The following ACSF3 variants were observed in gnomAD, a reference collection of about 807,000 sequenced individuals.
ACSF3 encodes the protein acyl-CoA synthetase family member 3.
ACSF3 carries 78 observed loss-of-function variants against 53.2 expected under a neutral mutation model. The ratio of observed to expected loss-of-function variants is 1.47; its 90% CI spans 1.22 to 1.77. The LOEUF (loss-of-function observed/expected upper bound fraction) is 1.77, where lower values mean the gene tolerates loss of function less well. Ranked by LOEUF, ACSF3 falls within the 40% of genes most tolerant of loss-of-function variation. The probability of loss-of-function intolerance (pLI) is 0.00; values close to 1 mark genes in which losing one functional copy is unlikely to be tolerated. For synonymous variants in ACSF3, 414 were observed against 333.1 expected, an observed-to-expected ratio of 1.24 and a Z score of -2.65; for missense variants, 937 against 771.1, an observed-to-expected ratio of 1.22 and a Z score of -2.55.
Position 89,102,676 on chromosome 16 carries a change from G to A in ACSF3, c.739G>A (p.Val247Ile), listed in dbSNP as rs370666715. ...CCTCCACGTGCTCCCGCTGCACCAC[G>A]TCCATGGTGTGGTCAACGCGCTGCT... ...VILHVLPLHH[V>I]HGVVNALLCP... Residue 247 changes from valine to isoleucine, a missense_variant, in exon 4 of 11, where the codon GTC becomes ATC. Coordinates refer to ENST00000614302, the MANE Select transcript of ACSF3 (RefSeq NM_001243279.3). 63 of 1,613,730 alleles carry A rather than the reference G, an allele frequency of 3.9e-5. No individual in the cohort carries two copies. The highest frequency in any genetic ancestry group is 1.6e-4 in the Middle Eastern group (1 of 6,084).
At chr16:89,127,220 T>A (rs555873682) in intron 7 of ACSF3, among the ~76,000 whole-genome samples, 1 of 152,312 alleles carries the variant, frequency 6.6e-6, no homozygotes, top group South Asian at 2.1e-4. Context: ...AGGGTGATGC[T>A]GGCCTCATTA....
rs570628134 is a variant in ACSF3, at chr16:89,109,744, C to T, written c.823-2348C>T. Among the ~76,000 whole-genome samples, 11 of 152,172 alleles carry T rather than the reference C, an allele frequency of 7.2e-5. No individual in the cohort carries two copies. In the South Asian group the frequency reaches 2.3e-3, roughly 32 times the overall value. Reference sequence around the variant, plus strand: ...TGAGCATTTTTTGTGTTTATTTTTACTTTTTTCCTTTTAAATTATTTTTGC... The same window carrying T: ...TGAGCATTTTTTGTGTTTATTTTTATTTTTTTCCTTTTAAATTATTTTTGC... On this transcript the variant is annotated intron_variant, in intron 4 of 10. Transcript: ENST00000614302.
intron 7 of ACSF3, among the ~76,000 whole-genome samples, chr16:89,121,510 TGA>T (rs968901422): frequency 2.0e-5 from 3 of 152,220 alleles, no homozygotes; most frequent in African/African-American, 7.2e-5. Flanking sequence ...GATTTTAACA[TGA>T]GAGTCTGCTC....
chr16:89,108,344 T>G (rs1223188597), intron 4 of ACSF3, among the ~76,000 whole-genome samples: 1 of 152,246 alleles, frequency 6.6e-6, no homozygotes, highest in Non-Finnish European at 1.5e-5. Context: ...TTGTTTCCCT[T>G]CAGCCTGGAG....
At chr16:89,120,667 G>A (rs2151478342) in intron 6 of ACSF3, 134 bp from the exon 7 acceptor site, 4 of 839,912 alleles carry the variant, frequency 4.8e-6, no homozygotes, top group South Asian at 1.3e-5. Flanking sequence ...GGGTCACAGG[G>A]CACGTCGCTC....
intron 8 of ACSF3, among the ~76,000 whole-genome samples, chr16:89,143,337 G>T (rs1181713024): frequency 6.6e-6 from 1 of 152,176 alleles, no homozygotes; most frequent in Non-Finnish European, 1.5e-5. Flanking sequence ...TTGGGGGCAG[G>T]CAGTGATGGC....
chr16:89,143,828 C>T (rs1021015556), intron 8 of ACSF3, among the ~76,000 whole-genome samples: 2 of 152,178 alleles, frequency 1.3e-5, no homozygotes, highest in East Asian at 1.9e-4. Flanking sequence ...CACACCCATC[C>T]GTCTTGTTTA....
At chr16:89,120,337 C>T (rs1005718239) in intron 6 of ACSF3, among the ~76,000 whole-genome samples, 2 of 152,242 alleles carry the variant, frequency 1.3e-5, no homozygotes, top group African/African-American at 2.4e-5. Flanking sequence ...TGCCTTAGCC[C>T]GTCGTGTGCC....
intron 7 of ACSF3, among the ~76,000 whole-genome samples, chr16:89,123,358 C>A (rs760634718): frequency 3.2e-4 from 48 of 152,190 alleles, no homozygotes; most frequent in Non-Finnish European, 5.4e-4. Flanking sequence ...GAAGGGACTC[C>A]CCACCCCACG....
rs756416005 is a variant in ACSF3, at chr16:89,101,359, C to G, written c.666+12C>G. The G allele has an allele frequency of 1.3e-6, 2 of 1,569,258 alleles. No homozygotes were observed. The highest frequency in any genetic ancestry group is 1.7e-6 in the Non-Finnish European group (2 of 1,157,944). ...ACATCAGGGCTGTGGTGAGTGCCGCCTGGCGCCGTGATGGTTTCGGTGACC... is the reference window on the plus strand; with the variant it reads ...ACATCAGGGCTGTGGTGAGTGCCGCGTGGCGCCGTGATGGTTTCGGTGACC... On this transcript the variant is annotated intron_variant, in intron 3 of 10. Coordinates refer to ENST00000614302, the MANE Select transcript of ACSF3 (RefSeq NM_001243279.3).
chr16:89,144,688 A>G (rs1437241923), intron 8 of ACSF3, among the ~76,000 whole-genome samples: 2 of 152,176 alleles, frequency 1.3e-5, no homozygotes, highest in Non-Finnish European at 2.9e-5. Context: ...CGGCCCCTCT[A>G]TGCTGCAGTC....
At chr16:89,095,646 T>G in intron 1 of ACSF3, among the ~76,000 whole-genome samples, 1 of 152,092 alleles carries the variant, frequency 6.6e-6, no homozygotes, top group African/African-American at 2.4e-5. Flanking sequence ...TCAGGTGTCG[T>G]TTTATTCATG....
At position 89,156,062 on chromosome 16, in the gene ACSF3, C is replaced by T. The variant is rs1044913696; in HGVS notation, c.*1855C>T. Among the ~76,000 whole-genome samples, 13 of 152,168 alleles carry T rather than the reference C, an allele frequency of 8.5e-5. No individual in the cohort carries two copies. Among genetic ancestry groups the T allele is most frequent in the Admixed American group, 5.2e-4 (8 of 15,272 alleles). On this transcript the variant is annotated 3_prime_UTR_variant, in exon 11 of 11. Transcript: ENST00000614302. ...GGTTGAATGCCGTGTTCTAAAGTCA[C>T]GAGTGACTCTCCAGCTGGTCCCTGT... is the stretch of plus-strand genomic sequence containing the variant.
chr16:89,097,546 C>A (rs992893936), intron 1 of ACSF3, among the ~76,000 whole-genome samples: 2 of 152,188 alleles, frequency 1.3e-5, no homozygotes, highest in African/African-American at 4.8e-5. Flanking sequence ...TGTTTCTGTG[C>A]CCTCACACCT....
chr16:89,114,303 C>A (rs374302986), intron 5 of ACSF3, 36 bp from the exon 6 acceptor site: 2 of 1,612,886 alleles, frequency 1.2e-6, no homozygotes, highest in South Asian at 1.1e-5. Context: ...AGCCACGTCC[C>A]AAGGGGCTAA....
intron 4 of ACSF3, among the ~76,000 whole-genome samples, chr16:89,104,131 T>TGTGC (rs1975691668): frequency 6.6e-6 from 1 of 152,220 alleles, no homozygotes; most frequent in Non-Finnish European, 1.5e-5. Flanking sequence ...AAGGACACGG[T>TGTGC]GTGCGTATGT....
rs1311059910 is a variant in ACSF3 at position 89,151,015 on chromosome 16, C to G, written c.1614-3075C>G. The stretch of plus-strand genomic sequence containing the variant: ...AGTCAAATTTCCCCAAACCAAAGGT[C>G]ATGAGTTTTCAGGTTGAAAGAACAC... On this transcript the variant is annotated intron_variant, in intron 10 of 10. Transcript: ENST00000614302. 5 of 1,288,518 alleles carry G rather than the reference C, an allele frequency of 3.9e-6. No homozygotes were observed. The African/African-American group carries it at 7.6e-5, about 20-fold the overall frequency. The allele number at this position is 1,288,518 out of a possible 1,614,324, so 79.8% of individuals were successfully genotyped here.
At chr16:89,109,125 G>A (rs549425538) in intron 4 of ACSF3, among the ~76,000 whole-genome samples, 3 of 151,250 alleles carry the variant, frequency 2.0e-5, no homozygotes, top group East Asian at 2.0e-4. Flanking sequence ...CCAGCTACTC[G>A]GGAGGCTGAG....
At position 89,114,480 on chromosome 16, in the gene ACSF3, C is replaced by T. The variant is rs2151454814; in HGVS notation, c.1119C>T (p.Arg373=). 6.2e-7 allele frequency: 1 copy of T among 1,611,802 alleles called. No individual in the cohort carries two copies. Among genetic ancestry groups the T allele is most frequent in the South Asian group, 1.1e-5 (1 of 91,084 alleles). ...CCGGGCCCCTGACCACTGCCGTGCGCCTGCCAGGTACGAGCACTTCCCACA... is the reference window on the plus strand; with the variant it reads ...CCGGGCCCCTGACCACTGCCGTGCGTCTGCCAGGTACGAGCACTTCCCACA... The part of the protein sequence containing the change: ...ALSGPLTTAV[R]LPGSVGTPLP... Residue 373 remains arginine (R), a synonymous_variant, in exon 6 of 11, where the codon CGC becomes CGT. Transcript: ENST00000614302.
Sources: allele counts gnomAD v4.1 joint callset (sites outside exome capture counted in the v4.1 genomes callset), GRCh38; gene constraint gnomAD v4.1.1; transcripts MANE v1.5; gene names NCBI Gene and HGNC (gene_info 2026-07-23, HGNC 2026-07-21).